SLCO1C1: variants seen among roughly 807,000 people sequenced by gnomAD.
SLCO1C1 encodes the protein solute carrier organic anion transporter family member 1C1.
SLCO1C1 carries 70 observed loss-of-function variants against 76.4 expected under a neutral mutation model. That is an observed-to-expected ratio of 0.92 (90% CI 0.76 to 1.12). SLCO1C1 has a LOEUF of 1.12. Ranked by LOEUF, SLCO1C1 falls within the 50% of genes most tolerant of loss-of-function variation. The pLI is 0.00. For missense variants in SLCO1C1, 912 were observed against 823.8 expected, an observed-to-expected ratio of 1.11 and a Z score of -1.31; for synonymous variants, 306 against 286.1, an observed-to-expected ratio of 1.07 and a Z score of -0.70.
At chr12:20,696,948 C>G (rs1372176063) in intron 1 of SLCO1C1, 2 of 151,976 alleles carry the variant, frequency 1.3e-5, no homozygotes, top group Non-Finnish European at 2.9e-5. Context: ...CCTATTTTGC[C>G]CTAACACAAA....
intron 14 of SLCO1C1, among the ~76,000 whole-genome samples, chr12:20,751,305 TG>T (rs1352746999): frequency 6.6e-6 from 1 of 152,098 alleles, no homozygotes; most frequent in East Asian, 1.9e-4. Context: ...TTTCTCTGTG[TG>T]GGTGAGTGTA....
At chr12:20,700,479 T>C (rs969699339) in intron 2 of SLCO1C1, among the ~76,000 whole-genome samples, 2 of 151,976 alleles carry the variant, frequency 1.3e-5, no homozygotes, top group African/African-American at 4.8e-5. Context: ...CTTTAAGTTC[T>C]AGGGTACATG....
At position 20,733,040 on chromosome 12, in the gene SLCO1C1, C is replaced by A. The variant is rs755044767; in HGVS notation, c.1318C>A (p.Leu440Ile). 5 of 1,613,272 alleles carry A rather than the reference C, an allele frequency of 3.1e-6. No homozygotes were observed. The highest frequency in any genetic ancestry group is 4.2e-6 in the Non-Finnish European group (5 of 1,179,646). Reference protein sequence around the residue: ...GSSVFGYLLFLSLFALGCENS... With the variant: ...GSSVFGYLLFISLFALGCENS... ...ATCTGTCTTTGGTTACCTCCTATTTCTTTCCCTGTTTGCACTGGGCTGTGA... is the reference window on the plus strand; with the variant it reads ...ATCTGTCTTTGGTTACCTCCTATTTATTTCCCTGTTTGCACTGGGCTGTGA... The change falls in exon 10 of 15, where the codon CTT becomes ATT. Residue 440 changes from leucine (L) to isoleucine (I), a missense_variant. Leu to Ile is a conservative substitution (Grantham distance 5, BLOSUM62 2). Transcript: ENST00000266509.
chr12:20,725,844 C>T (rs927680168), intron 9 of SLCO1C1, among the ~76,000 whole-genome samples: 5 of 151,930 alleles, frequency 3.3e-5, no homozygotes, highest in African/African-American at 1.2e-4. Context: ...CATTCTTATG[C>T]GGTATGGTTG....
rs1948913155 is a variant in SLCO1C1 at position 20,743,507 on chromosome 12, T to C, written c.1798+138T>C. The C allele has an allele frequency of 5.2e-6, 3 of 571,992 alleles. No homozygotes were observed. The South Asian group carries it at 9.3e-5, about 18-fold the overall frequency. 35.4% of individuals were successfully genotyped at this position (571,992 alleles called of 1,614,324 possible). On this transcript the variant is annotated intron_variant, in intron 13 of 14. Coordinates refer to ENST00000266509, the MANE Select transcript of SLCO1C1 (RefSeq NM_017435.5). ...GTTCATAGTCTTTTTTATTCCTTTC[T>C]TCATTTCTTTGTTCCCTTCCTCCTT...
intron 14 of SLCO1C1, among the ~76,000 whole-genome samples, chr12:20,751,776 C>T (rs1398582793): frequency 6.6e-6 from 1 of 152,220 alleles, no homozygotes; most frequent in Non-Finnish European, 1.5e-5. Context: ...AAGCATAGAA[C>T]TATAGGTTTC....
intron 10 of SLCO1C1, among the ~76,000 whole-genome samples, chr12:20,734,283 C>G (rs1948440539): frequency 6.6e-6 from 1 of 152,150 alleles, no homozygotes; most frequent in South Asian, 2.1e-4. Context: ...ATGCAAAGTT[C>G]ATAAATTACG....
chr12:20,705,514 C>A (rs1946729606), intron 3 of SLCO1C1, among the ~76,000 whole-genome samples: 1 of 151,814 alleles, frequency 6.6e-6, no homozygotes, highest in Non-Finnish European at 1.5e-5. Flanking sequence ...TAAAAGATAT[C>A]AGCTAAATAA....
At chr12:20,728,768 C>T (rs568146361) in intron 9 of SLCO1C1, among the ~76,000 whole-genome samples, 1 of 151,900 alleles carries the variant, frequency 6.6e-6, no homozygotes, top group Non-Finnish European at 1.5e-5. Context: ...ATTGTGCTGA[C>T]CATCTCAAAC....
At chr12:20,735,678 G>A (rs1948503700) in intron 10 of SLCO1C1, among the ~76,000 whole-genome samples, 1 of 152,036 alleles carries the variant, frequency 6.6e-6, no homozygotes, top group Non-Finnish European at 1.5e-5. Flanking sequence ...TTGTACTTTT[G>A]AGGTGACAAA....
intron 13 of SLCO1C1, among the ~76,000 whole-genome samples, chr12:20,745,132 T>A (rs7965485): frequency 0.025 from 3,794 of 152,230 alleles, 170 homozygotes; most frequent in African/African-American, 0.086. Flanking sequence ...AAACTAATTT[T>A]AAAAAATGGT....
Position 20,705,851 on chromosome 12 carries a change from G to C in SLCO1C1, c.272-98G>C, listed in dbSNP as rs376920735. Reference sequence around the variant, plus strand: ...TGATGCAGAGATGGCTTAGTTAAAAGAAAACATTGCTTGGTCTGCTGTATA... The same window carrying C: ...TGATGCAGAGATGGCTTAGTTAAAACAAAACATTGCTTGGTCTGCTGTATA... On this transcript the variant is annotated intron_variant, in intron 3 of 14. Coordinates refer to ENST00000266509, the MANE Select transcript of SLCO1C1 (RefSeq NM_017435.5). 7.7e-5 allele frequency: 96 copies of C among 1,244,524 alleles called. No homozygotes were observed. The East Asian group carries it at 2.1e-3, about 27-fold the overall frequency. 77.1% of individuals were successfully genotyped at this position (1,244,524 alleles called of 1,614,324 possible). A position where few individuals can be genotyped will look rare whatever the true frequency, so the allele number is the denominator to read the frequency against.
At chr12:20,701,885 A>C (rs1483694175) in intron 3 of SLCO1C1, among the ~76,000 whole-genome samples, 1 of 151,962 alleles carries the variant, frequency 6.6e-6, no homozygotes, top group South Asian at 2.1e-4. Context: ...GATGAATAGA[A>C]GTTACATCAT....
At chr12:20,740,472 T>C (rs2120877973) in intron 12 of SLCO1C1, 104 bp downstream of exon 12, 1 of 1,020,250 alleles carries the variant, frequency 9.8e-7, no homozygotes, top group Non-Finnish European at 1.4e-6. Flanking sequence ...CTTAGTTTTT[T>C]CAAGAAACTT....
chr12:20,743,564 A>G (rs898434526), intron 13 of SLCO1C1, among the ~76,000 whole-genome samples, 195 bp downstream of exon 13: 10 of 152,060 alleles, frequency 6.6e-5, no homozygotes, highest in Admixed American at 3.9e-4. Context: ...ACAGAAATAT[A>G]TTGCCTCTTT....
chr12:20,711,590 C>T, intron 5 of SLCO1C1, 80 bp downstream of exon 5: 1 of 1,476,860 alleles, frequency 6.8e-7, no homozygotes, highest in South Asian at 1.3e-5. Context: ...ACAAAAGTGT[C>T]TATGATTTTT....
chr12:20,750,831 G>A, intron 14 of SLCO1C1, 39 bp downstream of exon 14: 1 of 1,613,816 alleles, frequency 6.2e-7, no homozygotes, highest in South Asian at 1.1e-5. Flanking sequence ...CATTGCTACA[G>A]CATCCCAGAT....
At chr12:20,745,176 C>T (rs1249250682) in intron 13 of SLCO1C1, among the ~76,000 whole-genome samples, 1 of 152,082 alleles carries the variant, frequency 6.6e-6, no homozygotes, top group Non-Finnish European at 1.5e-5. Context: ...GGATAAATTT[C>T]AGGATGGAAG....
At chr12:20,703,955 C>CTGTGTG (rs146325219) in intron 3 of SLCO1C1, among the ~76,000 whole-genome samples, 6,400 of 140,298 alleles carry the variant, frequency 0.046, 159 homozygotes, top group South Asian at 0.11. Context: ...TCGAGTGTGT[C>CTGTGTG]TGTGTGTGTG....
Sources: allele counts gnomAD v4.1 joint callset (sites outside exome capture counted in the v4.1 genomes callset), GRCh38; gene constraint gnomAD v4.1.1; transcripts MANE v1.5; gene names NCBI Gene and HGNC (gene_info 2026-07-23, HGNC 2026-07-21).